The following CTTNBP2NL variants were observed in gnomAD, a reference collection of about 807,000 sequenced individuals.
CTTNBP2NL encodes CTTNBP2 N-terminal-like protein.
A neutral mutation model predicts 32.5 loss-of-function variants in CTTNBP2NL; 16 were observed. The ratio of observed to expected loss-of-function variants is 0.49; its 90% confidence interval spans 0.33 to 0.75. The LOEUF is 0.75. Ranked by LOEUF, CTTNBP2NL falls within the 30% of genes least tolerant of loss-of-function variation. CTTNBP2NL has a pLI of 0.02. For synonymous variants in CTTNBP2NL, 298 were observed against 289.4 expected (o/e 1.03, Z -0.30); for missense variants, 645 against 756.0 (o/e 0.85, Z 1.72).
intron 3 of CTTNBP2NL, among the ~76,000 whole-genome samples, chr1:112,416,874 T>A (rs1047289128): frequency 1.3e-5 from 2 of 152,152 alleles, no homozygotes; most frequent in Non-Finnish European, 2.9e-5. Context: ...AACTTCCTAA[T>A]AAATGTACAT....
chr1:112,449,201 C>T lies in CTTNBP2NL; in HGVS notation c.330+29C>T, dbSNP rs768694009. ...GGTTCACCTCAGTTGATGTGTAAAT[C>T]TTTGTGAAGTCTTTATAAATTATGC... On this transcript the variant is annotated intron_variant, in intron 4 of 5. Transcript: ENST00000271277. 4.2e-5 allele frequency: 55 copies of T among 1,307,092 alleles called. No homozygotes were observed. In the Admixed American group the frequency reaches 4.5e-4, roughly 11 times the overall value. 81.0% of individuals were successfully genotyped at this position (1,307,092 alleles called of 1,614,324 possible).
intron 3 of CTTNBP2NL, among the ~76,000 whole-genome samples, chr1:112,437,585 G>A (rs1473991718): frequency 6.6e-6 from 1 of 152,046 alleles, no homozygotes; most frequent in Non-Finnish European, 1.5e-5. Flanking sequence ...GTGCAGTGGT[G>A]CCATCTTGGC....
chr1:112,394,482 C>T (rs1288291993), upstream of CTTNBP2NL, among the ~76,000 whole-genome samples: 1 of 152,158 alleles, frequency 6.6e-6, no homozygotes, highest in African/African-American at 2.4e-5. Flanking sequence ...TTATTGAGTA[C>T]CTACTCTGTG....
intron 3 of CTTNBP2NL, among the ~76,000 whole-genome samples, chr1:112,438,802 T>C (rs1336985348): frequency 1.3e-5 from 2 of 152,170 alleles, no homozygotes; most frequent in African/African-American, 4.8e-5. Context: ...TTTCACCATA[T>C]ATTTGTGCCT....
At chr1:112,454,622 C>G (rs1050999890) in intron 5 of CTTNBP2NL, 66 bp downstream of exon 5, 2 of 1,165,262 alleles carry the variant, frequency 1.7e-6, no homozygotes, top group Non-Finnish European at 1.3e-6. Flanking sequence ...GATTATTCTG[C>G]AGGATGCCAA....
intron 3 of CTTNBP2NL, among the ~76,000 whole-genome samples, chr1:112,444,334 T>G (rs1649976151): frequency 6.6e-6 from 1 of 152,260 alleles, no homozygotes; most frequent in Non-Finnish European, 1.5e-5. Flanking sequence ...AGGAGGTGAC[T>G]ACTTCATATT....
rs1450772787 is a variant in CTTNBP2NL, at chr1:112,407,740, A to G, written c.-133-4454A>G. Among the ~76,000 whole-genome samples the G allele has an allele frequency of 1.3e-5, 2 of 151,970 alleles. 1 individual carries two copies. ...CTGAGAGAAGCTTGATTTGAGATATATACTGTTTAATATTGGAATTGAATA... is the reference window on the plus strand; with the variant it reads ...CTGAGAGAAGCTTGATTTGAGATATGTACTGTTTAATATTGGAATTGAATA... On this transcript the variant is annotated intron_variant, in intron 1 of 5. Transcript: ENST00000271277.
chr1:112,457,327 CAGA>C lies in CTTNBP2NL; in HGVS notation c.1839_1841del (p.Glu613del). 6.2e-7 allele frequency: 1 copy of C among 1,614,196 alleles called. No homozygotes were observed. The highest frequency in any genetic ancestry group is 8.5e-7 in the Non-Finnish European group (1 of 1,180,034). ...TCCCAGGCAGCCTCTTTGACCACTGCAGAAGACCTTGCCAGCAGCTGCTCTTCC... is the reference window on the plus strand; with the variant it reads ...TCCCAGGCAGCCTCTTTGACCACTGCAGACCTTGCCAGCAGCTGCTCTTCC... On this transcript the variant is annotated inframe_deletion, in exon 6 of 6. Coordinates refer to ENST00000271277, the MANE Select transcript of CTTNBP2NL (RefSeq NM_018704.3).
At chr1:112,403,424 G>T (rs1406359439) in intron 1 of CTTNBP2NL, among the ~76,000 whole-genome samples, 2 of 152,204 alleles carry the variant, frequency 1.3e-5, no homozygotes, top group Non-Finnish European at 2.9e-5. Context: ...GACACTGCTA[G>T]TGCTAAGTGT....
intron 3 of CTTNBP2NL, among the ~76,000 whole-genome samples, chr1:112,443,099 T>C (rs1649942190): frequency 6.6e-6 from 1 of 152,260 alleles, no homozygotes; most frequent in Non-Finnish European, 1.5e-5. Flanking sequence ...TTTAGTACAC[T>C]GTAGTCAAAT....
At chr1:112,435,314 A>G (rs1222186954) in intron 3 of CTTNBP2NL, among the ~76,000 whole-genome samples, 2 of 151,800 alleles carry the variant, frequency 1.3e-5, no homozygotes, top group East Asian at 3.9e-4. Context: ...TACTTTCTTT[A>G]TGTTTATTAT....
rs967604344 is a variant in CTTNBP2NL, at chr1:112,457,920, A to G, written c.*508A>G. 6.5e-6 allele frequency: 1 copy of G among 154,984 alleles called. No individual in the cohort carries two copies. The highest frequency in any genetic ancestry group is 2.4e-5 in the African/African-American group (1 of 41,464). The allele number at this position is 154,984 out of a possible 1,614,324, so 9.6% of individuals were successfully genotyped here. On this transcript the variant is annotated 3_prime_UTR_variant, in exon 6 of 6. Coordinates refer to ENST00000271277, the MANE Select transcript of CTTNBP2NL (RefSeq NM_018704.3). ...ATGTTAAAAACCAACACTGCTTTTA[A>G]TCCTCTTTTAATGTTTTAATACAAG... is the stretch of plus-strand genomic sequence containing the variant.
At position 112,456,359 on chromosome 1, in the gene CTTNBP2NL, A is replaced by G. The variant is rs1202011545; in HGVS notation, c.867A>G (p.Gln289=). 2.5e-6 allele frequency: 4 copies of G among 1,613,958 alleles called. No homozygotes were observed. Among genetic ancestry groups the G allele is most frequent in the Non-Finnish European group, 2.5e-6 (3 of 1,180,034 alleles). The change falls in exon 6 of 6, where the codon CAA becomes CAG. Residue 289 remains glutamine (Q), a synonymous_variant. Transcript: ENST00000271277. ...ASHQHSSPNE[Q]LKKPVTVSKG... is the part of the protein sequence containing the mutation. The stretch of plus-strand genomic sequence containing the variant: ...ACCAGCACAGTAGCCCTAATGAGCA[A>G]TTGAAGAAACCAGTAACCGTGTCCA...
At chr1:112,420,658 A>G (rs537597547) in intron 3 of CTTNBP2NL, among the ~76,000 whole-genome samples, 6 of 151,562 alleles carry the variant, frequency 4.0e-5, no homozygotes, top group African/African-American at 1.5e-4. Flanking sequence ...TTGTAGAGAC[A>G]GGGTTTTGCC....
chr1:112,434,900 T>C (rs1649683241), intron 3 of CTTNBP2NL, among the ~76,000 whole-genome samples: 2 of 152,228 alleles, frequency 1.3e-5, no homozygotes, highest in African/African-American at 2.4e-5. Flanking sequence ...CCCAGCACTT[T>C]GGGAGGCCGA....
intron 1 of CTTNBP2NL, 28 bp from the exon 2 acceptor site, chr1:112,412,166 G>T (rs1436928277): frequency 6.6e-6 from 1 of 152,112 alleles, no homozygotes; most frequent in Non-Finnish European, 1.5e-5. Context: ...ATAATCACAT[G>T]AACAATAAAT....
rs1648324380 is a variant in CTTNBP2NL, at chr1:112,396,284, T to A, written c.-134+12T>A. 6.6e-6 allele frequency: 1 copy of A among 151,078 alleles called. No homozygotes were observed. Among genetic ancestry groups the A allele is most frequent in the Admixed American group, 6.6e-5 (1 of 15,164 alleles). The allele number at this position is 151,078 out of a possible 1,614,324, so 9.4% of individuals were successfully genotyped here. A position where few individuals can be genotyped will look rare whatever the true frequency, so the allele number is the denominator to read the frequency against. On this transcript the variant is annotated intron_variant, in intron 1 of 5. Transcript: ENST00000271277. ...AGCGTCGTGGAAAGGTAGGAGCAAC[T>A]ATCCCTGGGGCTTGGTGATGGCTGG...
chr1:112,391,191 C>T, the CTTNBP2NL span, among the ~76,000 whole-genome samples: 1 of 152,222 alleles, frequency 6.6e-6, no homozygotes, highest in Non-Finnish European at 1.5e-5. Context: ...GAGGGCACAC[C>T]TTGCCTTCGG....
chr1:112,391,978 G>A (rs1025460263), upstream of CTTNBP2NL, among the ~76,000 whole-genome samples: 7 of 139,128 alleles, frequency 5.0e-5, no homozygotes, highest in Non-Finnish European at 7.4e-5. Flanking sequence ...GCAACAGAGT[G>A]AGACCCTGTC....
Sources: gnomAD v4.1 joint callset for allele counts (sites outside exome capture counted in the v4.1 genomes callset) on GRCh38, gnomAD v4.1.1 for gene constraint, MANE v1.5 for transcripts, NCBI Gene and HGNC (gene_info 2026-07-23, HGNC 2026-07-21) for gene names.